Variants in ZNF304 observed in about 807,000 individuals in gnomAD.
ZNF304 encodes zinc finger protein 304.
Under a neutral mutation model 7.8 loss-of-function variants are expected in ZNF304, and 7 were observed. That is an observed-to-expected ratio of 0.90 (90% CI 0.51 to 1.69). The LOEUF (loss-of-function observed/expected upper bound fraction) is 1.69, where lower values mean the gene tolerates loss of function less well. Ranked by LOEUF, ZNF304 falls within the 40% of genes most tolerant of loss-of-function variation. ZNF304 has a pLI of 0.00. For missense variants in ZNF304, 669 were observed against 804.8 expected (o/e 0.83, Z 2.04); for synonymous variants, 280 against 272.4 (o/e 1.03, Z -0.27).
chr19:57,355,890 C>T, intron 2 of ZNF304, 140 bp from the exon 3 acceptor site: 1 of 942,752 alleles, frequency 1.1e-6, no homozygotes, highest in Non-Finnish European at 1.6e-6. Context: ...GACAACCAGC[C>T]CTTCTTTACA....
rs1277515929 is a variant in ZNF304 at position 57,356,432 on chromosome 19, C to T, written c.563C>T (p.Thr188Ile). 1.9e-6 allele frequency: 3 copies of T among 1,614,170 alleles called. No homozygotes were observed. Among genetic ancestry groups the T allele is most frequent in the Non-Finnish European group, 2.5e-6 (3 of 1,180,026 alleles). ...TCTGGCCTTTTCCAGCACCAGACCA[C>T]TTACAATAGGGTGAGTCCATGCAGA... ...DSSGLFQHQTTYNRVSPCRRT... is the reference protein window; with the variant it reads ...DSSGLFQHQTIYNRVSPCRRT... Residue 188 changes from threonine to isoleucine, a missense_variant, in exon 3 of 3, where the codon ACT (threonine) becomes ATT (isoleucine). Physicochemically the swap from Thr to Ile is moderately conservative, Grantham distance 89. Coordinates refer to ENST00000282286, the MANE Select transcript of ZNF304 (RefSeq NM_020657.4).
In ZNF304 at chr19:57,358,247, C is replaced by CA. The variant is rs1568520812; in HGVS notation, c.*398_*399insA. On this transcript the variant is annotated 3_prime_UTR_variant, in exon 3 of 3. Coordinates refer to ENST00000282286, the MANE Select transcript of ZNF304 (RefSeq NM_020657.4). ...TATTTTCAAGGACTTCCCCCCCCCC[C>CA]CACTTCACCCCCTACCATTGAGGGT... 7.2e-6 allele frequency: 1 copy of CA among 139,528 alleles called. No individual in the cohort carries two copies. The highest frequency in any genetic ancestry group is 3.3e-3 in the Middle Eastern group (1 of 306). The allele number at this position is 139,528 out of a possible 1,614,324, so 8.6% of individuals were successfully genotyped here. A position where few individuals can be genotyped will look rare whatever the true frequency, so the allele number is the denominator to read the frequency against.
intron 1 of ZNF304, among the ~76,000 whole-genome samples, chr19:57,353,359 A>G (rs550449582): frequency 7.9e-5 from 12 of 152,304 alleles, no homozygotes; most frequent in African/African-American, 2.4e-4. Context: ...GATGCCCTTA[A>G]GACTCTAGTA....
intron 2 of ZNF304, among the ~76,000 whole-genome samples, chr19:57,354,304 C>T (rs2088310575): frequency 6.6e-6 from 1 of 152,226 alleles, no homozygotes. Flanking sequence ...GTGTGCCCAG[C>T]CTGATCACAC....
rs1600070466 is a variant in ZNF304 at position 57,359,479 on chromosome 19, A to G, written c.*1630A>G. On this transcript the variant is annotated 3_prime_UTR_variant, in exon 3 of 3. Coordinates refer to ENST00000282286, the MANE Select transcript of ZNF304 (RefSeq NM_020657.4). ...TATGATTAACATGCAATAAACTGCA[A>G]ATATGTAAAGTGTAAAATGTGCTGT... The G allele has an allele frequency of 6.6e-6, 1 of 152,258 alleles. No homozygotes were observed. The highest frequency in any genetic ancestry group is 1.5e-5 in the Non-Finnish European group (1 of 68,044). 9.4% of individuals were successfully genotyped at this position (152,258 alleles called of 1,614,324 possible).
Position 57,351,778 on chromosome 19 carries a change from T to G in ZNF304, c.33+81T>G. On this transcript the variant is annotated intron_variant, in intron 1 of 2. Coordinates refer to ENST00000282286, the MANE Select transcript of ZNF304 (RefSeq NM_020657.4). The surrounding 1 kb of genome is among the most constrained non-coding windows in gnomAD (Gnocchi z 4.1). ...TTCGCTCTCATCGCGCACTTCAGGG[T>G]GCTCACTCCGTCGCATTATGTGGAG... The G allele has an allele frequency of 1.3e-6, 2 of 1,484,350 alleles. No homozygotes were observed. Among genetic ancestry groups the G allele is most frequent in the Non-Finnish European group, 1.8e-6 (2 of 1,091,636 alleles). 91.9% of individuals were successfully genotyped at this position (1,484,350 alleles called of 1,614,324 possible). A position where few individuals can be genotyped will look rare whatever the true frequency, so the allele number is the denominator to read the frequency against.
chr19:57,351,849 G>A lies in ZNF304; in HGVS notation c.33+152G>A. ...GTGGCATAAGGTGTGGAACGGACTC[G>A]AAGGCGCAGGGGCAGTTCGTACAAA... is the stretch of plus-strand genomic sequence containing the variant. On this transcript the variant is annotated intron_variant, in intron 1 of 2. Transcript: ENST00000282286. This position sits in a 1 kb window ranked among gnomAD's most constrained non-coding sequence, Gnocchi z 4.1. The A allele has an allele frequency of 1.3e-6, 1 of 765,392 alleles. No individual in the cohort carries two copies. The highest frequency in any genetic ancestry group is 2.0e-6 in the Non-Finnish European group (1 of 490,302). The allele number at this position is 765,392 out of a possible 1,614,324, so 47.4% of individuals were successfully genotyped here. A position where few individuals can be genotyped will look rare whatever the true frequency, so the allele number is the denominator to read the frequency against.
chr19:57,357,978 G>C lies in ZNF304; in HGVS notation c.*129G>C. On this transcript the variant is annotated 3_prime_UTR_variant, in exon 3 of 3. Transcript: ENST00000282286. ...TTTGTGAGGGAACCATCAGCTAGCA[G>C]ATGAGCACCGTATATTCATTCCACC... 8.6e-7 allele frequency: 1 copy of C among 1,163,878 alleles called. No individual in the cohort carries two copies. Among genetic ancestry groups the C allele is most frequent in the Non-Finnish European group, 1.2e-6 (1 of 829,350 alleles). The allele number at this position is 1,163,878 out of a possible 1,614,324, so 72.1% of individuals were successfully genotyped here. A position where few individuals can be genotyped will look rare whatever the true frequency, so the allele number is the denominator to read the frequency against.
intron 1 of ZNF304, among the ~76,000 whole-genome samples, chr19:57,353,514 C>T (rs2088299935): frequency 6.6e-6 from 1 of 152,192 alleles, no homozygotes; most frequent in African/African-American, 2.4e-5. Flanking sequence ...TGTCTGCACA[C>T]TTGCCTGGTT....
Position 57,357,012 on chromosome 19 carries a change from C to T in ZNF304, c.1143C>T (p.His381=), listed in dbSNP as rs774832673. ...GCCGTAAAGACACACTTGTTCAGCA[C>T]CAGAGATTTCATACTGGAGAAAGGC... ...AFSRKDTLVQ[H]QRFHTGERPY... Residue 381 remains histidine (H), a synonymous_variant, in exon 3 of 3, where the codon CAC becomes CAT. Coordinates refer to ENST00000282286, the MANE Select transcript of ZNF304 (RefSeq NM_020657.4). 5.0e-6 allele frequency: 8 copies of T among 1,614,028 alleles called. No homozygotes were observed. In the South Asian group the frequency reaches 5.5e-5, roughly 11 times the overall value.
chr19:57,356,804 G>A lies in ZNF304; in HGVS notation c.935G>A (p.Cys312Tyr). 1 of 1,614,236 alleles carries A rather than the reference G, an allele frequency of 6.2e-7. No individual in the cohort carries two copies. Among genetic ancestry groups the A allele is most frequent in the Non-Finnish European group, 8.5e-7 (1 of 1,180,040 alleles). ...AAAAGACACTATACATGCAGTGAAT[G>A]TGGGAAGGCCTTCAGCCGCAAGGAC... Reference protein sequence around the residue: ...TGKRHYTCSECGKAFSRKDTL... With the variant: ...TGKRHYTCSEYGKAFSRKDTL... The change falls in exon 3 of 3, where the codon TGT (cysteine) becomes TAT (tyrosine). Residue 312 changes from cysteine (C) to tyrosine (Y), a missense_variant. Physicochemically the swap from Cys to Tyr is radical, Grantham distance 194. Coordinates refer to ENST00000282286, the MANE Select transcript of ZNF304 (RefSeq NM_020657.4).
intron 2 of ZNF304, chr19:57,355,425 T>C (rs2088322785): frequency 1.3e-6 from 1 of 750,886 alleles, no homozygotes; most frequent in South Asian, 1.4e-5. Context: ...TCTGTTATGG[T>C]TGGGTTCAAA....
chr19:57,353,165 A>G (rs527902936), intron 1 of ZNF304, among the ~76,000 whole-genome samples: 1 of 152,304 alleles, frequency 6.6e-6, no homozygotes, highest in South Asian at 2.1e-4. Flanking sequence ...TTGCTTAGGC[A>G]CCTGGACGGC....
At chr19:57,355,716 C>T (rs1377027288) in intron 2 of ZNF304, among the ~76,000 whole-genome samples, 1 of 152,128 alleles carries the variant, frequency 6.6e-6, no homozygotes, top group Non-Finnish European at 1.5e-5. Context: ...ATGGACATAC[C>T]CATCTGCACA....
chr19:57,351,642 C>T lies in ZNF304; in HGVS notation c.-23C>T. The T allele has an allele frequency of 1.2e-6, 2 of 1,613,412 alleles. No homozygotes were observed. The highest frequency in any genetic ancestry group is 1.7e-6 in the Non-Finnish European group (2 of 1,179,932). On this transcript the variant is annotated 5_prime_UTR_variant, in exon 1 of 3. Coordinates refer to ENST00000282286, the MANE Select transcript of ZNF304 (RefSeq NM_020657.4). This position sits in a 1 kb window ranked among gnomAD's most constrained non-coding sequence, Gnocchi z 4.1. ...TGGGGTTTCGGCTGAGCCCACAGGG[C>T]ACAGACTGTTCATCCGCTTCTCATG...
At chr19:57,355,323 T>G (rs938256571) in intron 2 of ZNF304, 2 of 765,296 alleles carry the variant, frequency 2.6e-6, no homozygotes, top group East Asian at 2.4e-5. Flanking sequence ...GCAGAAAACC[T>G]TGGGTGCCTG....
At chr19:57,353,648 G>A in intron 1 of ZNF304, 77 bp from the exon 2 acceptor site, 1 of 1,524,504 alleles carries the variant, frequency 6.6e-7, no homozygotes, top group Non-Finnish European at 8.8e-7. Flanking sequence ...GAGTGGGTGT[G>A]TGAGTGTGTA....
At position 57,359,237 on chromosome 19, in the gene ZNF304, A is replaced by G. The variant is rs961046636; in HGVS notation, c.*1388A>G. 2 of 152,244 alleles carry G rather than the reference A, an allele frequency of 1.3e-5. No homozygotes were observed. The highest frequency in any genetic ancestry group is 2.4e-5 in the African/African-American group (1 of 41,470). The allele number at this position is 152,244 out of a possible 1,614,324, so 9.4% of individuals were successfully genotyped here. A position where few individuals can be genotyped will look rare whatever the true frequency, so the allele number is the denominator to read the frequency against. On this transcript the variant is annotated 3_prime_UTR_variant, in exon 3 of 3. Transcript: ENST00000282286. ...GCAGTGACAGAAGAGAGATCCAGGG[A>G]TGGGTCTTCTCTGACCCAGCCAGCA...
In ZNF304 at chr19:57,359,043, C is replaced by T. The variant is rs1376677006; in HGVS notation, c.*1194C>T. The T allele has an allele frequency of 6.6e-6, 1 of 152,190 alleles. No individual in the cohort carries two copies. Among genetic ancestry groups the T allele is most frequent in the Admixed American group, 6.5e-5 (1 of 15,270 alleles). The allele number at this position is 152,190 out of a possible 1,614,324, so 9.4% of individuals were successfully genotyped here. ...TTCGAACATTCTAGAGGGGCATCCA[C>T]AAGTCTCGGTGCAGTTATGATGGTG... On this transcript the variant is annotated 3_prime_UTR_variant, in exon 3 of 3. Coordinates refer to ENST00000282286, the MANE Select transcript of ZNF304 (RefSeq NM_020657.4).
Sources: gnomAD v4.1 joint callset for allele counts (sites outside exome capture counted in the v4.1 genomes callset) on GRCh38, gnomAD v4.1.1 for gene constraint, Gnocchi (gnomAD v3.1) non-coding constraint, MANE v1.5 for transcripts, NCBI Gene and HGNC (gene_info 2026-07-23, HGNC 2026-07-21) for gene names.